The following RASGRF2 variants were observed in gnomAD, a reference collection of about 807,000 sequenced individuals.
RASGRF2 encodes the protein Ras protein specific guanine nucleotide releasing factor 2, also known as ras-specific guanine nucleotide-releasing factor 2.
Under a neutral mutation model 151.0 loss-of-function variants are expected in RASGRF2, and 76 were observed. That is an observed-to-expected ratio of 0.50 (90% CI 0.42 to 0.61). RASGRF2 has a LOEUF of 0.61. Among genes scored for constraint, RASGRF2 ranks in the 20% least tolerant of loss-of-function variants. The pLI is 0.00. For missense variants in RASGRF2, 1,148 were observed against 1,564.6 expected (o/e 0.73, Z 4.49); for synonymous variants, 504 against 566.5 (o/e 0.89, Z 1.57).
At position 80,960,705 on chromosome 5, in the gene RASGRF2, C is replaced by T. The variant is rs922285643; in HGVS notation, c.-34C>T. On this transcript the variant is annotated 5_prime_UTR_variant, in exon 1 of 27. Transcript: ENST00000265080. This position sits in a 1 kb window ranked among gnomAD's most constrained non-coding sequence, Gnocchi z 5.5. ...CATGGCCGCGAGGCAGGGGTGAGAC[C>T]GGCGGCCACCCGTGAGCCCTCCGCA... 4.1e-6 allele frequency: 6 copies of T among 1,464,432 alleles called. No individual in the cohort carries two copies. In the African/African-American group the frequency reaches 4.2e-5, roughly 10 times the overall value. The allele number at this position is 1,464,432 out of a possible 1,614,324, so 90.7% of individuals were successfully genotyped here.
chr5:81,194,669 G>A (rs979223690), intron 18 of RASGRF2, among the ~76,000 whole-genome samples: 4 of 152,092 alleles, frequency 2.6e-5, no homozygotes, highest in Admixed American at 2.0e-4. Flanking sequence ...AGAACTACCC[G>A]CTTTTTGCAG....
chr5:81,152,840 T>C (rs1754168932), intron 17 of RASGRF2, among the ~76,000 whole-genome samples: 1 of 152,180 alleles, frequency 6.6e-6, no homozygotes, highest in South Asian at 2.1e-4. Context: ...CCTTACCCCA[T>C]CTCCTTTAGT....
intron 9 of RASGRF2, among the ~76,000 whole-genome samples, chr5:81,089,575 A>T (rs1487316065): frequency 1.3e-5 from 2 of 152,236 alleles, no homozygotes; most frequent in Admixed American, 6.5e-5. Context: ...AGACTATATT[A>T]TAGAAATGGT....
At chr5:81,194,163 G>C (rs970818026) in intron 18 of RASGRF2, among the ~76,000 whole-genome samples, 2 of 146,150 alleles carry the variant, frequency 1.4e-5, no homozygotes, top group Non-Finnish European at 3.0e-5. Context: ...GGGCAGCATA[G>C]AGAGAGCCCC....
chr5:81,123,876 A>C, intron 16 of RASGRF2, 109 bp downstream of exon 16: 2 of 1,355,188 alleles, frequency 1.5e-6, no homozygotes, highest in Non-Finnish European at 2.0e-6. Context: ...TTTTAGTCTC[A>C]CTTATTGAAA....
chr5:81,028,880 G>A (rs774730911), intron 1 of RASGRF2, among the ~76,000 whole-genome samples: 82 of 152,096 alleles, frequency 5.4e-4, no homozygotes, highest in African/African-American at 7.5e-4. Flanking sequence ...GCAAGGGGTC[G>A]GGGAATTCCC....
chr5:81,002,765 G>A (rs573358034), intron 1 of RASGRF2, among the ~76,000 whole-genome samples: 7 of 152,198 alleles, frequency 4.6e-5, no homozygotes, highest in African/African-American at 7.2e-5. Context: ...CTTACTAGGC[G>A]GAATGAAATA....
At chr5:81,156,114 C>T (rs528822558) in intron 17 of RASGRF2, among the ~76,000 whole-genome samples, 1 of 148,948 alleles carries the variant, frequency 6.7e-6, no homozygotes, top group South Asian at 2.1e-4. Flanking sequence ...TAATAAGATA[C>T]AAATGATCAA....
chr5:81,163,777 A>G (rs1161215590), intron 17 of RASGRF2, among the ~76,000 whole-genome samples: 1 of 152,176 alleles, frequency 6.6e-6, no homozygotes, highest in East Asian at 1.9e-4. Context: ...ACTGGCCACT[A>G]CGCTGGGAGG....
chr5:81,069,762 C>G (rs2112456017), intron 3 of RASGRF2, among the ~76,000 whole-genome samples: 1 of 152,260 alleles, frequency 6.6e-6, no homozygotes, highest in South Asian at 2.1e-4. Flanking sequence ...GATCCCTTAA[C>G]TTTTAAGGTA....
chr5:80,988,143 T>C (rs1170268131), intron 1 of RASGRF2, among the ~76,000 whole-genome samples: 1 of 151,808 alleles, frequency 6.6e-6, no homozygotes, highest in African/African-American at 2.4e-5. Context: ...CTCCACCTCC[T>C]GGGCTCAATC....
chr5:81,067,723 A>T (rs1407399645), intron 2 of RASGRF2, among the ~76,000 whole-genome samples: 1 of 152,232 alleles, frequency 6.6e-6, no homozygotes, highest in Non-Finnish European at 1.5e-5. Context: ...TTGTTAAAGA[A>T]GACACACTAC....
At chr5:81,219,588 G>A (rs1024876413) in intron 25 of RASGRF2, 122 bp from the exon 26 acceptor site, 10 of 703,566 alleles carry the variant, frequency 1.4e-5, no homozygotes, top group Admixed American at 5.3e-5. Context: ...GGCTCCACCC[G>A]CCTCACTGGA....
Position 81,131,622 on chromosome 5 carries a change from T to G in RASGRF2, c.2686+4459T>G, listed in dbSNP as rs947397089. Among the ~76,000 whole-genome samples, 6 of 151,810 alleles carry G rather than the reference T, an allele frequency of 4.0e-5. No individual in the cohort carries two copies. The East Asian group carries it at 1.2e-3, about 29-fold the overall frequency. ...TGTCTGCCTTGGCCTTCCAAAATGCTAGGATTACAGGTGTGAGCCACTGCG... is the reference window on the plus strand; with the variant it reads ...TGTCTGCCTTGGCCTTCCAAAATGCGAGGATTACAGGTGTGAGCCACTGCG... On this transcript the variant is annotated intron_variant, in intron 17 of 26. Coordinates refer to ENST00000265080, the MANE Select transcript of RASGRF2 (RefSeq NM_006909.3).
chr5:81,199,823 G>A lies in RASGRF2; in HGVS notation c.2794-1507G>A, dbSNP rs536606274. On this transcript the variant is annotated intron_variant, in intron 18 of 26. Coordinates refer to ENST00000265080, the MANE Select transcript of RASGRF2 (RefSeq NM_006909.3). Reference sequence around the variant, plus strand: ...TGAGACAGGAGAATCACTTGAACCCGGGAAGCGGAGGTTGCAGTGAGCCGA... The same window carrying A: ...TGAGACAGGAGAATCACTTGAACCCAGGAAGCGGAGGTTGCAGTGAGCCGA... 1.1e-4 allele frequency among the ~76,000 whole-genome samples: 16 copies of A among 150,172 alleles called. No homozygotes were observed. The South Asian group carries it at 2.5e-3, about 24-fold the overall frequency.
chr5:81,222,335 C>T (rs1755873372), intron 26 of RASGRF2, among the ~76,000 whole-genome samples: 2 of 152,224 alleles, frequency 1.3e-5, no homozygotes, highest in South Asian at 4.1e-4. Context: ...CCCTCTCCAA[C>T]AGTGAGAGAC....
intron 17 of RASGRF2, among the ~76,000 whole-genome samples, chr5:81,166,026 G>A (rs1039809728): frequency 5.3e-5 from 8 of 152,132 alleles, no homozygotes; most frequent in African/African-American, 1.9e-4. Flanking sequence ...AGATGGGATT[G>A]TAGTCTATTT....
At chr5:81,175,582 C>T (rs1754755769) in intron 17 of RASGRF2, among the ~76,000 whole-genome samples, 1 of 151,728 alleles carries the variant, frequency 6.6e-6, no homozygotes. Flanking sequence ...GGAGAAACCC[C>T]GTCTCTACTA....
At chr5:80,995,033 G>T (rs1356527137) in intron 1 of RASGRF2, among the ~76,000 whole-genome samples, 1 of 152,060 alleles carries the variant, frequency 6.6e-6, no homozygotes, top group Non-Finnish European at 1.5e-5. Flanking sequence ...GAGGTGGATG[G>T]ATCACGAGGT....
Sources: allele counts gnomAD v4.1 joint callset (sites outside exome capture counted in the v4.1 genomes callset), GRCh38; gene constraint gnomAD v4.1.1; non-coding constraint Gnocchi (gnomAD v3.1); transcripts MANE v1.5; gene names NCBI Gene and HGNC (gene_info 2026-07-23, HGNC 2026-07-21).